TMEM266: variants seen among roughly 807,000 people sequenced by gnomAD.
TMEM266 encodes the protein Hv1 related protein 1.
TMEM266 carries 33 observed loss-of-function variants against 50.5 expected under a neutral mutation model. The ratio of observed to expected loss-of-function variants is 0.65; its 90% CI spans 0.50 to 0.87. TMEM266 has a LOEUF of 0.87. Among genes scored for constraint, TMEM266 ranks in the 40% least tolerant of loss-of-function variants. The pLI, the probability that TMEM266 is intolerant of heterozygous loss-of-function variation, is 0.00. For synonymous variants in TMEM266, 310 were observed against 292.3 expected, an observed-to-expected ratio of 1.06 and a Z score of -0.62; for missense variants, 655 against 695.1, an observed-to-expected ratio of 0.94 and a Z score of 0.65.
At chr15:76,126,181 C>T (rs1002314442) in intron 1 of TMEM266, among the ~76,000 whole-genome samples, 14 of 151,764 alleles carry the variant, frequency 9.2e-5, no homozygotes, top group Admixed American at 6.6e-5. Context: ...ATAGAACTAC[C>T]GTATGATCCA....
At chr15:76,095,729 G>T (rs1189806995) in intron 1 of TMEM266, among the ~76,000 whole-genome samples, 1 of 151,992 alleles carries the variant, frequency 6.6e-6, no homozygotes, top group East Asian at 1.9e-4. Flanking sequence ...ATTCGGCTGT[G>T]AATCCATCTG....
At position 76,171,055 on chromosome 15, in the gene TMEM266, T is replaced by G. The variant is rs750489923; in HGVS notation, c.576T>G (p.Asn192Lys). 2 of 1,613,274 alleles carry G rather than the reference T, an allele frequency of 1.2e-6. No individual in the cohort carries two copies. The highest frequency in any genetic ancestry group is 1.7e-6 in the Non-Finnish European group (2 of 1,179,688). The change falls in exon 7 of 11, where the codon AAT becomes AAG. Residue 192 changes from asparagine to lysine, a missense_variant. By Grantham distance (94) the Asn-to-Lys change is moderately conservative. Around this residue, in one of 3 missense-constraint regions of TMEM266, gnomAD observed 101 missense variants for 182.6 expected, o/e 0.55. Transcript: ENST00000388942. ...CGATGGTGGCATCCACTGTGGCCAATGGACCCAGGAGCCCCTGGGACGCCA... is the reference window on the plus strand; with the variant it reads ...CGATGGTGGCATCCACTGTGGCCAAGGGACCCAGGAGCCCCTGGGACGCCA...
At chr15:76,095,481 A>T (rs2036909524) in intron 1 of TMEM266, among the ~76,000 whole-genome samples, 1 of 152,076 alleles carries the variant, frequency 6.6e-6, no homozygotes. Context: ...ATCGTGGTAG[A>T]TAAGCTTTTT....
At chr15:76,087,590 G>T (rs1442845184) in intron 1 of TMEM266, among the ~76,000 whole-genome samples, 2 of 152,058 alleles carry the variant, frequency 1.3e-5, no homozygotes, top group Non-Finnish European at 2.9e-5. Context: ...ATAAGGACCT[G>T]GAGTCATCAG....
chr15:76,191,476 A>G (rs1268578818), intron 8 of TMEM266: 1 of 152,470 alleles, frequency 6.6e-6, no homozygotes, highest in Non-Finnish European at 1.5e-5. Flanking sequence ...CCTCGTGGAG[A>G]AAACGAGCCA....
intron 3 of TMEM266, among the ~76,000 whole-genome samples, chr15:76,154,133 G>T (rs1469777390): frequency 6.6e-6 from 1 of 152,228 alleles, no homozygotes; most frequent in Non-Finnish European, 1.5e-5. Context: ...GTTTAGGGCT[G>T]CCAACTTTAC....
chr15:76,183,415 C>T (rs950523480), intron 8 of TMEM266, among the ~76,000 whole-genome samples: 3 of 152,174 alleles, frequency 2.0e-5, no homozygotes, highest in South Asian at 4.1e-4. Context: ...CAAGCCCGGC[C>T]GATCCTTCTT....
At chr15:76,086,914 A>T (rs986323207) in intron 1 of TMEM266, among the ~76,000 whole-genome samples, 1 of 106,010 alleles carries the variant, frequency 9.4e-6, no homozygotes, top group African/African-American at 3.6e-5. Flanking sequence ...GCCATGCAGA[A>T]AAAGGGAGCA....
intron 3 of TMEM266, among the ~76,000 whole-genome samples, chr15:76,156,126 C>G (rs1005468351): frequency 1.3e-5 from 2 of 152,280 alleles, no homozygotes; most frequent in South Asian, 4.1e-4. Context: ...TTTGGAAGGC[C>G]GAGGTGGGCA....
chr15:76,122,105 C>T (rs960373784), intron 1 of TMEM266, among the ~76,000 whole-genome samples: 7 of 152,242 alleles, frequency 4.6e-5, no homozygotes, highest in African/African-American at 1.7e-4. Flanking sequence ...TTGGCTTAGC[C>T]TCTCTCACAC....
chr15:76,150,389 T>C (rs2037820527), intron 3 of TMEM266, among the ~76,000 whole-genome samples: 1 of 152,170 alleles, frequency 6.6e-6, no homozygotes, highest in South Asian at 2.1e-4. Flanking sequence ...CCTTGAGAAC[T>C]TGAAGGATGA....
chr15:76,097,231 T>C (rs1055495469), intron 1 of TMEM266, among the ~76,000 whole-genome samples: 1 of 152,088 alleles, frequency 6.6e-6, no homozygotes, highest in African/African-American at 2.4e-5. Context: ...CAATTTGGTA[T>C]GTTTTTGCTG....
At chr15:76,135,293 T>C (rs181115237) in intron 2 of TMEM266, among the ~76,000 whole-genome samples, 31 of 152,286 alleles carry the variant, frequency 2.0e-4, no homozygotes, top group African/African-American at 6.7e-4. Context: ...AGGCTAAATA[T>C]AGCCTATACA....
intron 1 of TMEM266, among the ~76,000 whole-genome samples, chr15:76,089,901 AG>A (rs1233478261): frequency 1.3e-5 from 2 of 152,148 alleles, no homozygotes; most frequent in Non-Finnish European, 2.9e-5. Context: ...GCTGTGAAAG[AG>A]GGAAAGATTA....
At chr15:76,195,970 A>T (rs1286890421) in intron 9 of TMEM266, among the ~76,000 whole-genome samples, 1 of 152,160 alleles carries the variant, frequency 6.6e-6, no homozygotes, top group Non-Finnish European at 1.5e-5. Context: ...TGCAGCCCCC[A>T]TAGTGGGCAA....
At chr15:76,175,935 C>T in intron 8 of TMEM266, 1 of 333,608 alleles carries the variant, frequency 3.0e-6, no homozygotes, top group South Asian at 4.1e-5. Flanking sequence ...TCTTCAGCTC[C>T]CCAACCTGAG....
intron 3 of TMEM266, among the ~76,000 whole-genome samples, chr15:76,155,986 C>T (rs1397481430): frequency 1.3e-5 from 2 of 152,194 alleles, no homozygotes; most frequent in South Asian, 2.1e-4. Flanking sequence ...GCCGACTGTC[C>T]GCTAACCCAC....
chr15:76,200,823 G>A (rs558386392), intron 9 of TMEM266, among the ~76,000 whole-genome samples: 157 of 152,162 alleles, frequency 1.0e-3, no homozygotes, highest in Non-Finnish European at 1.5e-3. Flanking sequence ...GAGCCAGCCC[G>A]GGGCCCTCCC....
intron 1 of TMEM266, among the ~76,000 whole-genome samples, chr15:76,128,119 C>G (rs1161165266): frequency 6.6e-6 from 1 of 151,954 alleles, no homozygotes; most frequent in Non-Finnish European, 1.5e-5. Flanking sequence ...TTCTGCAGTG[C>G]ACCTATGAGT....
Sources: gnomAD v4.1 joint callset for allele counts (sites outside exome capture counted in the v4.1 genomes callset) on GRCh38, gnomAD v4.1.1 for gene constraint, gnomAD v4.1.1 regional missense constraint, MANE v1.5 for transcripts, NCBI Gene and HGNC (gene_info 2026-07-23, HGNC 2026-07-21) for gene names.